PSMD1: variants seen among roughly 807,000 people sequenced by gnomAD.
PSMD1 encodes the protein proteasome 26S subunit, non-ATPase 1, also known as 26S proteasome non-ATPase regulatory subunit 1.
PSMD1 carries 18 observed loss-of-function variants against 119.0 expected under a neutral mutation model. That is an observed-to-expected ratio of 0.15 (90% CI 0.10 to 0.22). PSMD1 has a LOEUF of 0.22. Among genes scored for constraint, PSMD1 ranks in the 10% least tolerant of loss-of-function variants. The pLI is 1.00. For synonymous variants in PSMD1, 374 were observed against 396.6 expected (o/e 0.94, Z 0.68); for missense variants, 702 against 1,158.5 (o/e 0.61, Z 5.72).
intron 15 of PSMD1, among the ~76,000 whole-genome samples, chr2:231,086,566 A>T (rs953299128): frequency 6.6e-6 from 1 of 152,204 alleles, no homozygotes; most frequent in African/African-American, 2.4e-5. Flanking sequence ...CTGCAGCAGG[A>T]GAAACACTTG....
intron 16 of PSMD1, among the ~76,000 whole-genome samples, chr2:231,091,128 C>G (rs995301748): frequency 6.6e-6 from 1 of 152,120 alleles, no homozygotes; most frequent in African/African-American, 2.4e-5. Context: ...CCTCTATAAG[C>G]CAGAGATGCT....
rs1411647049 is a variant in PSMD1 at position 231,057,038 on chromosome 2, G to T, written c.13G>T (p.Ala5Ser). 6.5e-7 allele frequency: 1 copy of T among 1,532,414 alleles called. No homozygotes were observed. The highest frequency in any genetic ancestry group is 8.8e-7 in the Non-Finnish European group (1 of 1,141,468). 94.9% of individuals were successfully genotyped at this position (1,532,414 alleles called of 1,614,324 possible). A position where few individuals can be genotyped will look rare whatever the true frequency, so the allele number is the denominator to read the frequency against. MITS[A>S]AGIISLLDED... ...GAGGGGCGCAGCCATGATCACCTCG[G>T]CCGGTGAGTGCGGCCCGTAGCCAGC... Residue 5 changes from alanine (A) to serine (S), a missense_variant, in exon 1 of 25, where the codon GCC becomes TCC. Coordinates refer to ENST00000308696, the MANE Select transcript of PSMD1 (RefSeq NM_002807.4).
At chr2:231,165,761 C>T (rs1369758423) in intron 22 of PSMD1, 110 bp from the exon 23 acceptor site, 6 of 933,164 alleles carry the variant, frequency 6.4e-6, no homozygotes, top group Admixed American at 5.7e-5. Context: ...CCATTACTAC[C>T]GACCACTACC....
intron 16 of PSMD1, among the ~76,000 whole-genome samples, chr2:231,112,133 C>T (rs761920541): frequency 3.9e-5 from 6 of 152,086 alleles, no homozygotes; most frequent in Non-Finnish European, 4.4e-5. Context: ...CTCTGTCCAA[C>T]TCTCCCACCC....
At chr2:231,123,367 A>T in intron 16 of PSMD1, 1 of 1,312,498 alleles carries the variant, frequency 7.6e-7, no homozygotes. Context: ...CTAATAGTAT[A>T]TCATAGTTCT....
chr2:231,113,708 A>T (rs1437464275), intron 16 of PSMD1: 1 of 1,603,024 alleles, frequency 6.2e-7, no homozygotes, highest in Non-Finnish European at 8.5e-7. Flanking sequence ...TACCACCCAC[A>T]CTCTGGCATT....
chr2:231,166,886 C>G (rs77753052), intron 23 of PSMD1, among the ~76,000 whole-genome samples: 2,511 of 152,190 alleles, frequency 0.016, 74 homozygotes, highest in African/African-American at 0.058. Context: ...GAGATAAAGC[C>G]AAGGGATGCA....
chr2:231,061,572 T>G (rs1209038351), intron 2 of PSMD1, among the ~76,000 whole-genome samples: 1 of 152,058 alleles, frequency 6.6e-6, no homozygotes, highest in African/African-American at 2.4e-5. Context: ...TTTTAATCTT[T>G]TTTCTTTTTT....
chr2:231,067,810 C>T (rs1451291646), intron 5 of PSMD1, among the ~76,000 whole-genome samples: 1 of 152,148 alleles, frequency 6.6e-6, no homozygotes, highest in Admixed American at 6.5e-5. Flanking sequence ...GCGTGTGCCA[C>T]CACACCCAGC....
chr2:231,065,168 C>T (rs188053730), intron 4 of PSMD1, among the ~76,000 whole-genome samples: 13 of 150,892 alleles, frequency 8.6e-5, no homozygotes, highest in Middle Eastern at 3.4e-3. Context: ...ATCTTGCCCT[C>T]GTCTTCTTAC....
intron 16 of PSMD1, among the ~76,000 whole-genome samples, chr2:231,099,146 C>G (rs538903033): frequency 6.6e-6 from 1 of 152,132 alleles, no homozygotes; most frequent in Admixed American, 6.6e-5. Context: ...ATTGGGGACA[C>G]TGAACGGGGT....
At chr2:231,133,358 G>A (rs905505149) in intron 16 of PSMD1, 3 of 152,032 alleles carry the variant, frequency 2.0e-5, no homozygotes, top group African/African-American at 7.3e-5. Flanking sequence ...GCTGTGTATT[G>A]AGTTAATCCT....
chr2:231,130,908 A>G (rs182335508), intron 16 of PSMD1, among the ~76,000 whole-genome samples: 1 of 152,356 alleles, frequency 6.6e-6, no homozygotes, highest in Admixed American at 6.5e-5. Context: ...TAGAAGGCAA[A>G]TGTTTATACT....
In PSMD1 at chr2:231,131,791, AG is replaced by A. The variant is rs1313819956; in HGVS notation, c.1884-6944del. On this transcript the variant is annotated intron_variant, in intron 16 of 24. Transcript: ENST00000308696. The stretch of plus-strand genomic sequence containing the variant: ...AAAAAAAAAAAAAAAAAAAAAAGAA[AG>A]TTTTTTTGCCCTTTTAGAGTTGCCT... 2.0e-5 allele frequency among the ~76,000 whole-genome samples: 3 copies of A among 151,304 alleles called. 1 individual carries two copies. Among genetic ancestry groups the A allele is most frequent in the Non-Finnish European group, 4.4e-5 (3 of 67,794 alleles).
chr2:231,123,404 A>T (rs1442657593), intron 16 of PSMD1: 1 of 1,598,020 alleles, frequency 6.3e-7, no homozygotes, highest in Non-Finnish European at 8.6e-7. Flanking sequence ...AACAAAGTGA[A>T]ATACTTACCA....
chr2:231,087,243 C>A, intron 16 of PSMD1, 62 bp downstream of exon 16: 1 of 1,343,586 alleles, frequency 7.4e-7, no homozygotes, highest in Non-Finnish European at 1.1e-6. Flanking sequence ...GTAGTAGTCA[C>A]TACCGAAACT....
At chr2:231,126,831 A>G (rs979383969) in intron 16 of PSMD1, among the ~76,000 whole-genome samples, 1 of 152,050 alleles carries the variant, frequency 6.6e-6, no homozygotes, top group Non-Finnish European at 1.5e-5. Flanking sequence ...ACAGCTACTT[A>G]TTTGGCAATC....
At chr2:231,058,500 C>G (rs943019620) in intron 1 of PSMD1, among the ~76,000 whole-genome samples, 1 of 150,584 alleles carries the variant, frequency 6.6e-6, no homozygotes, top group Non-Finnish European at 1.5e-5. Flanking sequence ...GGTCGGACAT[C>G]GTGAAAATTA....
intron 16 of PSMD1, among the ~76,000 whole-genome samples, chr2:231,112,679 T>C (rs1695193009): frequency 6.6e-6 from 1 of 152,198 alleles, no homozygotes; most frequent in African/African-American, 2.4e-5. Flanking sequence ...TGCAAATCTA[T>C]TTGTTTTTCT....
Sources: allele counts gnomAD v4.1 joint callset (sites outside exome capture counted in the v4.1 genomes callset), GRCh38; gene constraint gnomAD v4.1.1; transcripts MANE v1.5; gene names NCBI Gene and HGNC (gene_info 2026-07-23, HGNC 2026-07-21).